EXOC4: variants seen among roughly 807,000 people sequenced by gnomAD.
EXOC4 encodes the protein exocyst complex component 4.
In EXOC4, 71 loss-of-function variants were observed where a neutral mutation model predicts 107.2. That is an observed-to-expected ratio of 0.66 (90% CI 0.55 to 0.81). The LOEUF is 0.81. EXOC4 is among the 30% of genes least tolerant of loss of function. EXOC4 has a pLI of 0.00. For missense variants in EXOC4, 1,108 were observed against 1,189.6 expected (o/e 0.93, Z 1.01); for synonymous variants, 456 against 441.2 (o/e 1.03, Z -0.42).
At chr7:133,531,415 C>T (rs1312428238) in intron 9 of EXOC4, among the ~76,000 whole-genome samples, 4 of 152,114 alleles carry the variant, frequency 2.6e-5, no homozygotes, top group Admixed American at 2.6e-4. Flanking sequence ...ATAATATGGT[C>T]TAGTTGGCTT....
intron 5 of EXOC4, among the ~76,000 whole-genome samples, chr7:133,328,720 C>A (rs1584817302): frequency 2.0e-5 from 3 of 152,288 alleles, no homozygotes; most frequent in Middle Eastern, 3.4e-3. Flanking sequence ...GTTGAAAATT[C>A]TTTTCTTTAA....
chr7:133,403,362 C>T (rs749794013), intron 7 of EXOC4, among the ~76,000 whole-genome samples: 2 of 152,132 alleles, frequency 1.3e-5, no homozygotes, highest in Non-Finnish European at 2.9e-5. Flanking sequence ...TTTCAGTATC[C>T]CTTTCCCCTT....
At chr7:133,868,447 C>G (rs1798686586) in intron 11 of EXOC4, among the ~76,000 whole-genome samples, 1 of 152,200 alleles carries the variant, frequency 6.6e-6, no homozygotes, top group Non-Finnish European at 1.5e-5. Context: ...ATCTGCCAGT[C>G]CAGAGACCCT....
intron 10 of EXOC4, among the ~76,000 whole-genome samples, chr7:133,633,785 A>G (rs930269429): frequency 6.6e-6 from 1 of 152,188 alleles, no homozygotes; most frequent in Non-Finnish European, 1.5e-5. Flanking sequence ...GGACCTATTT[A>G]AACATTGTAT....
chr7:133,278,893 T>A (rs1351421793), intron 2 of EXOC4, among the ~76,000 whole-genome samples: 1 of 152,182 alleles, frequency 6.6e-6, no homozygotes, highest in Non-Finnish European at 1.5e-5. Context: ...TATGTATACA[T>A]GTGCCATGTT....
At chr7:133,797,388 A>G (rs888769008) in intron 10 of EXOC4, among the ~76,000 whole-genome samples, 4 of 152,224 alleles carry the variant, frequency 2.6e-5, no homozygotes, top group African/African-American at 9.6e-5. Flanking sequence ...CCCAAGTAGT[A>G]TCATTAGACT....
At chr7:133,348,161 G>A (rs1316616127) in intron 5 of EXOC4, among the ~76,000 whole-genome samples, 1 of 152,108 alleles carries the variant, frequency 6.6e-6, no homozygotes, top group Non-Finnish European at 1.5e-5. Context: ...ACAGGGTTTT[G>A]TGATATTAGA....
At chr7:133,664,278 G>A (rs1285494937) in intron 10 of EXOC4, among the ~76,000 whole-genome samples, 3 of 152,060 alleles carry the variant, frequency 2.0e-5, no homozygotes, top group African/African-American at 7.2e-5. Context: ...AATGGGCAGG[G>A]ATTTTTGTCT....
At chr7:133,475,223 G>A in intron 7 of EXOC4, 105 bp from the exon 8 acceptor site, 1 of 979,736 alleles carries the variant, frequency 1.0e-6, no homozygotes, top group Non-Finnish European at 1.5e-6. Context: ...ATATACTCCT[G>A]AATGTTGGTT....
chr7:134,099,615 C>T, the EXOC4 span, among the ~76,000 whole-genome samples: 2 of 150,610 alleles, frequency 1.3e-5, no homozygotes, highest in Non-Finnish European at 3.0e-5. Flanking sequence ...CTGCAGGCTC[C>T]GCCCCCCGGG....
intron 5 of EXOC4, among the ~76,000 whole-genome samples, chr7:133,325,438 T>C (rs1370686077): frequency 3.3e-5 from 5 of 152,228 alleles, no homozygotes; most frequent in African/African-American, 1.2e-4. Context: ...TTTGCTTGTC[T>C]GTAAAGGATT....
chr7:133,551,963 T>G (rs1416552867), intron 9 of EXOC4, among the ~76,000 whole-genome samples: 1 of 152,154 alleles, frequency 6.6e-6, no homozygotes, highest in Non-Finnish European at 1.5e-5. Context: ...AATTAATTTT[T>G]TTATTTTATT....
At chr7:133,468,177 T>G (rs902577616) in intron 7 of EXOC4, among the ~76,000 whole-genome samples, 17 of 152,214 alleles carry the variant, frequency 1.1e-4, no homozygotes, top group Non-Finnish European at 7.3e-5. Flanking sequence ...CAAAAATACA[T>G]GTGTACTCTT....
At chr7:133,511,281 A>G (rs897546441) in intron 9 of EXOC4, among the ~76,000 whole-genome samples, 5 of 152,198 alleles carry the variant, frequency 3.3e-5, no homozygotes, top group Non-Finnish European at 5.9e-5. Flanking sequence ...CTTATATACA[A>G]TTTTAACAAA....
At chr7:133,654,838 A>G (rs985350807) in intron 10 of EXOC4, among the ~76,000 whole-genome samples, 1 of 152,186 alleles carries the variant, frequency 6.6e-6, no homozygotes, top group African/African-American at 2.4e-5. Context: ...ACAAACCTCA[A>G]CAGCAGGTTA....
intron 17 of EXOC4, among the ~76,000 whole-genome samples, chr7:134,014,608 G>A (rs757604050): frequency 9.2e-5 from 14 of 152,092 alleles, no homozygotes; most frequent in Non-Finnish European, 1.5e-4. Context: ...AATTTATAGA[G>A]ATAGATTAGT....
intron 17 of EXOC4, among the ~76,000 whole-genome samples, chr7:134,062,578 A>G (rs1020008386): frequency 6.6e-6 from 1 of 152,212 alleles, no homozygotes; most frequent in African/African-American, 2.4e-5. Context: ...CCTTGAGTGC[A>G]CTGCCTGGTT....
At chr7:133,917,930 G>A (rs1246062707) in intron 13 of EXOC4, among the ~76,000 whole-genome samples, 192 bp downstream of exon 13, 4 of 151,582 alleles carry the variant, frequency 2.6e-5, no homozygotes, top group African/African-American at 7.3e-5. Context: ...AACTTTAGAA[G>A]GAAAAAAATT....
intron 7 of EXOC4, among the ~76,000 whole-genome samples, chr7:133,467,199 A>G (rs925775692): frequency 3.4e-5 from 5 of 146,306 alleles, no homozygotes; most frequent in African/African-American, 7.5e-5. Flanking sequence ...CAAATGAGCA[A>G]TCTTTTAGCC....
Sources: gnomAD v4.1 joint callset for allele counts (sites outside exome capture counted in the v4.1 genomes callset) on GRCh38, gnomAD v4.1.1 for gene constraint, MANE v1.5 for transcripts, NCBI Gene and HGNC (gene_info 2026-07-23, HGNC 2026-07-21) for gene names.